The following PPP2R2C variants were observed in gnomAD, a reference collection of about 807,000 sequenced individuals.
PPP2R2C encodes protein phosphatase 2 regulatory subunit Bgamma.
In PPP2R2C, 10 loss-of-function variants were observed where a neutral mutation model predicts 45.3. The ratio of observed to expected loss-of-function variants is 0.22; its 90% CI spans 0.14 to 0.37. PPP2R2C has a LOEUF of 0.37. Ranked by LOEUF, PPP2R2C falls within the 10% of genes least tolerant of loss-of-function variation. The pLI, the probability that PPP2R2C is intolerant of heterozygous loss-of-function variation, is 1.00. For synonymous variants in PPP2R2C, 257 were observed against 245.4 expected (o/e 1.05, Z -0.44); for missense variants, 308 against 619.7 (o/e 0.50, Z 5.34).
chr4:6,366,008 A>T (rs560456853), intron 5 of PPP2R2C, among the ~76,000 whole-genome samples: 3 of 152,332 alleles, frequency 2.0e-5, no homozygotes, highest in Non-Finnish European at 4.4e-5. Flanking sequence ...AGGACGCGAG[A>T]GGTTGCTTAA....
chr4:6,390,167 C>A (rs57280943), intron 1 of PPP2R2C, among the ~76,000 whole-genome samples: 12 of 152,278 alleles, frequency 7.9e-5, no homozygotes, highest in African/African-American at 2.9e-4. Flanking sequence ...CTGCTTAGGA[C>A]CACCTTAGGT....
Position 6,331,988 on chromosome 4 carries a change from G to A in PPP2R2C, c.960+1574C>T, listed in dbSNP as rs1036096470. Among the ~76,000 whole-genome samples, 1 of 152,216 alleles carries A rather than the reference G, an allele frequency of 6.6e-6. No homozygotes were observed. The highest frequency in any genetic ancestry group is 2.1e-4 in the South Asian group (1 of 4,830). ...CTATTATTTTAGCATCAATAGGTCA[G>A]CTGGGCCAGATGCCAAGTGCCCAGC... On this transcript the variant is annotated intron_variant, in intron 7 of 8. Transcript: ENST00000382599. This position sits in a 1 kb window ranked among gnomAD's most constrained non-coding sequence, Gnocchi z 5.9.
intron 2 of PPP2R2C, among the ~76,000 whole-genome samples, chr4:6,516,054 T>A (rs1208007646): frequency 2.0e-5 from 3 of 152,242 alleles, no homozygotes. Flanking sequence ...TGACCTGATC[T>A]CAACTAACTA....
chr4:6,509,012 C>G (rs1190310250), intron 2 of PPP2R2C, among the ~76,000 whole-genome samples: 1 of 152,250 alleles, frequency 6.6e-6, no homozygotes, highest in Non-Finnish European at 1.5e-5. Context: ...CAGTCTCTCA[C>G]TCTGCCTTTT....
At chr4:6,431,191 T>C (rs1423953887) in intron 1 of PPP2R2C, among the ~76,000 whole-genome samples, 1 of 152,194 alleles carries the variant, frequency 6.6e-6, no homozygotes, top group Non-Finnish European at 1.5e-5. Flanking sequence ...AGGTCCGTGT[T>C]TCCCTGCACC....
chr4:6,445,368 C>G (rs1720366131), intron 1 of PPP2R2C, among the ~76,000 whole-genome samples: 1 of 152,210 alleles, frequency 6.6e-6, no homozygotes, highest in African/African-American at 2.4e-5. Flanking sequence ...TTTAATTAAT[C>G]CAACTGGAAC....
intron 1 of PPP2R2C, among the ~76,000 whole-genome samples, chr4:6,467,092 T>C (rs917694394): frequency 2.0e-5 from 3 of 152,122 alleles, no homozygotes; most frequent in Non-Finnish European, 4.4e-5. Flanking sequence ...ACCCCAGCAC[T>C]GAAATGGAGC....
intron 1 of PPP2R2C, chr4:6,382,622 T>TTCTCTCTCTCTCTCTCTCTC (rs71173437): frequency 2.0e-6 from 1 of 510,492 alleles, no homozygotes; most frequent in African/African-American, 2.9e-5. Context: ...GAGTTTCTCG[T>TTCTCTCTCTCTCTCTCTCTC]TCTCTCTCTC....
In PPP2R2C at chr4:6,532,764, C is replaced by T. The variant is rs147516808; in HGVS notation, c.49+2507G>A. Among the ~76,000 whole-genome samples the T allele has an allele frequency of 1.2e-3, 180 of 152,320 alleles. 1 individual carries two copies. The East Asian group carries it at 0.018, about 16-fold the overall frequency. On this transcript the variant is annotated intron_variant, in intron 2 of 9. Transcript: ENST00000506140. ...TCTGGATCACTGCAGCTGCCTCCTC[C>T]GCTGCCACCACCATCACCCACATGG...
chr4:6,491,852 C>G (rs111614350), intron 2 of PPP2R2C, among the ~76,000 whole-genome samples: 1 of 152,184 alleles, frequency 6.6e-6, no homozygotes, highest in Non-Finnish European at 1.5e-5. Context: ...AAGCTTACTA[C>G]CCATATTTCC....
intron 1 of PPP2R2C, among the ~76,000 whole-genome samples, chr4:6,441,345 A>G (rs1348187222): frequency 6.6e-6 from 1 of 151,806 alleles, no homozygotes; most frequent in African/African-American, 2.4e-5. Flanking sequence ...CCCTCACTCC[A>G]TGGCTTAAAG....
intron 1 of PPP2R2C, chr4:6,414,070 C>CTGTGTTTGTGTG: frequency 8.3e-7 from 1 of 1,202,260 alleles, no homozygotes; most frequent in Non-Finnish European, 1.1e-6. Flanking sequence ...TAAGTTTTGC[C>CTGTGTTTGTGTG]TGTGTATGTG....
chr4:6,370,891 A>C (rs570166870), intron 5 of PPP2R2C, among the ~76,000 whole-genome samples: 13 of 152,224 alleles, frequency 8.5e-5, no homozygotes, highest in Non-Finnish European at 1.5e-4. Context: ...GTCCAGAGAA[A>C]TCTGAGCTTC....
chr4:6,447,521 A>ACCCCCCCCCCCCCCCCCCC (rs1553900147), intron 1 of PPP2R2C, among the ~76,000 whole-genome samples: 1 of 90,606 alleles, frequency 1.1e-5, no homozygotes, highest in Admixed American at 1.1e-4. Flanking sequence ...CTAGCTCCCC[A>ACCCCCCCCCCCCCCCCCCC]CCCCCACCCC....
At chr4:6,512,634 G>T (rs1723698030) in intron 2 of PPP2R2C, among the ~76,000 whole-genome samples, 1 of 110,308 alleles carries the variant, frequency 9.1e-6, no homozygotes. Flanking sequence ...TGGTGATGGT[G>T]ATGGTGGTGA....
At chr4:6,478,337 G>A (rs182288236) in intron 2 of PPP2R2C, among the ~76,000 whole-genome samples, 4 of 152,340 alleles carry the variant, frequency 2.6e-5, no homozygotes, top group Admixed American at 1.3e-4. Context: ...AATATTAGGT[G>A]TAGTCATGAG....
intron 1 of PPP2R2C, among the ~76,000 whole-genome samples, chr4:6,453,170 C>T (rs1342095574): frequency 2.0e-5 from 3 of 152,164 alleles, no homozygotes; most frequent in Non-Finnish European, 2.9e-5. Flanking sequence ...AGGGACCCCC[C>T]CACAGAGGAT....
chr4:6,498,677 T>C (rs1305165107), intron 2 of PPP2R2C, among the ~76,000 whole-genome samples: 3 of 152,020 alleles, frequency 2.0e-5, no homozygotes, highest in African/African-American at 2.4e-5. Context: ...CACGGTGACG[T>C]TGGGGAGCAA....
At chr4:6,420,109 T>C in intron 1 of PPP2R2C, among the ~76,000 whole-genome samples, 1 of 152,208 alleles carries the variant, frequency 6.6e-6, no homozygotes, top group East Asian at 1.9e-4. Context: ...GTACAGACAC[T>C]TCTGCGTGTG....
Sources: gnomAD v4.1 joint callset for allele counts (sites outside exome capture counted in the v4.1 genomes callset) on GRCh38, gnomAD v4.1.1 for gene constraint, Gnocchi (gnomAD v3.1) non-coding constraint, MANE v1.5 for transcripts, NCBI Gene and HGNC (gene_info 2026-07-23, HGNC 2026-07-21) for gene names.